OTOGL: variants seen among roughly 807,000 people sequenced by gnomAD.
The protein encoded by OTOGL is otogelin like.
OTOGL carries 285 observed loss-of-function variants against 318.5 expected under a neutral mutation model. That is an observed-to-expected ratio of 0.89 (90% CI 0.81 to 0.99). The LOEUF is 0.99. Among genes scored for constraint, OTOGL ranks in the 50% least tolerant of loss-of-function variants. The pLI is 0.00. For missense variants in OTOGL, 2,899 were observed against 2,845.6 expected, an observed-to-expected ratio of 1.02 and a Z score of -0.43; for synonymous variants, 987 against 936.5, an observed-to-expected ratio of 1.05 and a Z score of -0.99.
intron 1 of OTOGL, among the ~76,000 whole-genome samples, chr12:80,152,067 G>A (rs1420759227): frequency 6.6e-6 from 1 of 152,146 alleles, no homozygotes; most frequent in Non-Finnish European, 1.5e-5. Context: ...ATTGAGAACA[G>A]TACATTCCAT....
chr12:80,134,962 T>G (rs1871457478), intron 1 of OTOGL, among the ~76,000 whole-genome samples: 1 of 152,188 alleles, frequency 6.6e-6, no homozygotes, highest in Admixed American at 6.5e-5. Flanking sequence ...CTTGGGCGTC[T>G]TCTAATCTCT....
Position 80,339,160 on chromosome 12 carries a change from C to T in OTOGL, c.4946C>T (p.Thr1649Ile). The change falls in exon 43 of 59, where the codon ACT becomes ATT. Residue 1649 changes from threonine (T) to isoleucine (I), a missense_variant. By Grantham distance (89) the Thr-to-Ile change is moderately conservative. Transcript: ENST00000547103. ...GATTCTGGTTCAATGTATGTAATTA[C>T]TACTCCAGCTGGACTAATCATAAAG... ...IEDSGSMYVITTPAGLIIKWS... is the reference protein window; with the variant it reads ...IEDSGSMYVIITPAGLIIKWS... 6.2e-7 allele frequency: 1 copy of T among 1,610,436 alleles called. No individual in the cohort carries two copies. Among genetic ancestry groups the T allele is most frequent in the Non-Finnish European group, 8.5e-7 (1 of 1,176,816 alleles).
intron 43 of OTOGL, among the ~76,000 whole-genome samples, chr12:80,340,736 TAGTG>T (rs1397899333): frequency 6.6e-6 from 1 of 152,162 alleles, no homozygotes; most frequent in African/African-American, 2.4e-5. Flanking sequence ...GAAAAGCTTC[TAGTG>T]AGTAAGACTG....
At chr12:80,322,782 T>C (rs1887422336) in intron 34 of OTOGL, among the ~76,000 whole-genome samples, 1 of 152,188 alleles carries the variant, frequency 6.6e-6, no homozygotes, top group Non-Finnish European at 1.5e-5. Context: ...TCCGCCCATA[T>C]ATTTTGTTGT....
chr12:80,235,467 C>CAAAAAAAAAAAAAAAAAAAAAAAAA, intron 9 of OTOGL, among the ~76,000 whole-genome samples: 1 of 86,964 alleles, frequency 1.1e-5, no homozygotes, highest in Admixed American at 1.2e-4. Flanking sequence ...GACTCTGTCT[C>CAAAAAAAAAAAAAAAAAAAAAAAAA]AAAAAAAAAA....
intron 11 of OTOGL, among the ~76,000 whole-genome samples, chr12:80,249,420 T>G (rs551352522): frequency 1.8e-4 from 27 of 151,488 alleles, no homozygotes; most frequent in Middle Eastern, 3.4e-3. Context: ...TGGAATACCC[T>G]GCCGTGTGAG....
At chr12:80,221,077 A>C (rs1165855011) in intron 6 of OTOGL, among the ~76,000 whole-genome samples, 1 of 152,156 alleles carries the variant, frequency 6.6e-6, no homozygotes, top group African/African-American at 2.4e-5. Flanking sequence ...TTGAGTGCTC[A>C]GTGAATGTTA....
At chr12:80,124,020 T>C (rs1275737767) in intron 1 of OTOGL, among the ~76,000 whole-genome samples, 1 of 152,244 alleles carries the variant, frequency 6.6e-6, no homozygotes, top group African/African-American at 2.4e-5. Context: ...TTTCTTTCGC[T>C]GTGCAGAAGC....
At chr12:80,188,971 T>C (rs995710235) in intron 1 of OTOGL, among the ~76,000 whole-genome samples, 1 of 152,230 alleles carries the variant, frequency 6.6e-6, no homozygotes, top group African/African-American at 2.4e-5. Flanking sequence ...GTCCTCCCTT[T>C]GGTTTAGATC....
At chr12:80,227,718 T>C (rs1878990402) in intron 7 of OTOGL, among the ~76,000 whole-genome samples, 1 of 152,212 alleles carries the variant, frequency 6.6e-6, no homozygotes, top group Admixed American at 6.5e-5. Context: ...ATTTTAGGCC[T>C]ACTCTTCCCT....
intron 57 of OTOGL, among the ~76,000 whole-genome samples, chr12:80,374,158 G>A (rs1461898596): frequency 2.6e-5 from 4 of 152,126 alleles, no homozygotes; most frequent in Non-Finnish European, 5.9e-5. Context: ...ATTCCTTGGA[G>A]GTATTATGAG....
chr12:80,368,391 C>CCCA, intron 55 of OTOGL, 82 bp downstream of exon 55: 1 of 875,614 alleles, frequency 1.1e-6, no homozygotes, highest in Non-Finnish European at 1.8e-6. Flanking sequence ...TGTCCCCCCC[C>CCCA]ACACACACTG....
chr12:80,339,229 G>A lies in OTOGL; in HGVS notation c.5015G>A (p.Arg1672Gln), dbSNP rs765255520. The change falls in exon 43 of 59, where the codon CGA (arginine) becomes CAA (glutamine). Residue 1672 changes from arginine to glutamine, a missense_variant. Transcript: ENST00000547103. Reference protein sequence around the residue: ...TGIIDIHFGFRFNLSSYTEGL... With the variant: ...TGIIDIHFGFQFNLSSYTEGL... ...ATCATAGACATTCATTTTGGCTTCCGATTTAACTTGTCATCCTACACAGAA... is the reference window on the plus strand; with the variant it reads ...ATCATAGACATTCATTTTGGCTTCCAATTTAACTTGTCATCCTACACAGAA... 1.1e-5 allele frequency: 18 copies of A among 1,577,824 alleles called. 1 individual carries two copies. The highest frequency in any genetic ancestry group is 1.7e-4 in the Middle Eastern group (1 of 5,916).
chr12:80,292,361 C>T (rs1245331073), intron 26 of OTOGL, among the ~76,000 whole-genome samples: 1 of 152,206 alleles, frequency 6.6e-6, no homozygotes, highest in Non-Finnish European at 1.5e-5. Flanking sequence ...CATAAGAAAA[C>T]ATTTCAGCCT....
intron 3 of OTOGL, 81 bp from the exon 4 acceptor site, chr12:80,211,868 A>G: frequency 8.8e-7 from 1 of 1,142,556 alleles, no homozygotes; most frequent in South Asian, 1.4e-5. Context: ...CAGGAGGAAA[A>G]CACCAGCTCT....
At chr12:80,220,356 A>G (rs142269877) in intron 6 of OTOGL, among the ~76,000 whole-genome samples, 1,668 of 152,046 alleles carry the variant, frequency 0.011, 26 homozygotes, top group African/African-American at 0.038. Flanking sequence ...ATGGGGTTTC[A>G]CCATGTTGGC....
intron 11 of OTOGL, among the ~76,000 whole-genome samples, chr12:80,242,210 G>T (rs1880442797): frequency 6.6e-6 from 1 of 152,134 alleles, no homozygotes; most frequent in Admixed American, 6.6e-5. Flanking sequence ...TAACATTTTT[G>T]TCTTTTGAAA....
At chr12:80,256,860 A>G (rs1304020581) in intron 17 of OTOGL, among the ~76,000 whole-genome samples, 2 of 152,038 alleles carry the variant, frequency 1.3e-5, no homozygotes, top group Non-Finnish European at 2.9e-5. Flanking sequence ...CTCATTGAGC[A>G]TTTAAGGATG....
chr12:80,352,512 C>T, intron 45 of OTOGL, 76 bp downstream of exon 45: 1 of 1,248,468 alleles, frequency 8.0e-7, no homozygotes, highest in Non-Finnish European at 1.1e-6. Flanking sequence ...CCTTCTTTTT[C>T]TTTTTTATCA....
Sources: allele counts gnomAD v4.1 joint callset (sites outside exome capture counted in the v4.1 genomes callset), GRCh38; gene constraint gnomAD v4.1.1; transcripts MANE v1.5; gene names NCBI Gene and HGNC (gene_info 2026-07-23, HGNC 2026-07-21).